The following CNBD1 variants were observed in gnomAD, a reference collection of about 807,000 sequenced individuals.
CNBD1 encodes cyclic nucleotide binding domain containing 1, also known as cyclic nucleotide-binding domain-containing protein 1.
CNBD1 carries 71 observed loss-of-function variants against 54.4 expected under a neutral mutation model. The observed-to-expected ratio is 1.30, with a 90% CI of 1.08 to 1.59. The LOEUF (loss-of-function observed/expected upper bound fraction) is 1.59. Ranked by LOEUF, CNBD1 falls within the 40% of genes most tolerant of loss-of-function variation. The probability of loss-of-function intolerance (pLI) is 0.00; values close to 1 mark genes in which losing one functional copy is unlikely to be tolerated. For missense variants in CNBD1, 659 were observed against 518.0 expected (o/e 1.27, Z -2.64); for synonymous variants, 182 against 170.7 (o/e 1.07, Z -0.51).
chr8:87,242,278 C>T (rs1807723591), intron 6 of CNBD1, among the ~76,000 whole-genome samples: 1 of 152,140 alleles, frequency 6.6e-6, no homozygotes, highest in Admixed American at 6.5e-5. Context: ...AGAAAATCGC[C>T]TTCCCTTTCC....
intron 4 of CNBD1, among the ~76,000 whole-genome samples, chr8:87,095,526 T>C (rs1811299248): frequency 6.6e-6 from 1 of 152,248 alleles, no homozygotes; most frequent in Non-Finnish European, 1.5e-5. Flanking sequence ...TGCATCATAT[T>C]TACTAGAGTA....
chr8:87,252,179 A>G (rs981232325), intron 6 of CNBD1, among the ~76,000 whole-genome samples: 2 of 152,192 alleles, frequency 1.3e-5, no homozygotes, highest in Non-Finnish European at 2.9e-5. Context: ...ACAGTGGTCC[A>G]AGATATACTA....
intron 2 of CNBD1, among the ~76,000 whole-genome samples, chr8:87,424,008 A>G (rs1160131937): frequency 2.0e-5 from 3 of 151,970 alleles, no homozygotes; most frequent in Non-Finnish European, 4.4e-5. Context: ...GTCTTGGGAG[A>G]GTGTATGTGT....
intron 4 of CNBD1, among the ~76,000 whole-genome samples, chr8:87,115,069 T>C (rs1811741056): frequency 1.3e-5 from 2 of 152,202 alleles, no homozygotes; most frequent in Non-Finnish European, 2.9e-5. Flanking sequence ...TATTGGACCT[T>C]AATGGCAATT....
chr8:87,405,027 G>A (rs1486497798), intron 2 of CNBD1, among the ~76,000 whole-genome samples: 1 of 151,906 alleles, frequency 6.6e-6, no homozygotes, highest in African/African-American at 2.4e-5. Flanking sequence ...TCATAAAACT[G>A]CTATCTTATA....
chr8:87,092,940 CA>C (rs1252281787), intron 4 of CNBD1, among the ~76,000 whole-genome samples: 2 of 152,142 alleles, frequency 1.3e-5, no homozygotes, highest in Non-Finnish European at 2.9e-5. Flanking sequence ...TTGCAAAAGC[CA>C]GAAACCTGGG....
At chr8:87,277,695 A>G (rs1808512586) in intron 6 of CNBD1, among the ~76,000 whole-genome samples, 1 of 151,670 alleles carries the variant, frequency 6.6e-6, no homozygotes, top group Non-Finnish European at 1.5e-5. Context: ...CAGTCTCAAA[A>G]TACCTCAATT....
intron 8 of CNBD1, among the ~76,000 whole-genome samples, chr8:87,350,590 T>G (rs1290300756): frequency 6.6e-6 from 1 of 151,882 alleles, no homozygotes; most frequent in Non-Finnish European, 1.5e-5. Context: ...ATAATTTTTA[T>G]TATGTTGATA....
chr8:87,062,601 G>A (rs1015575986), intron 4 of CNBD1, among the ~76,000 whole-genome samples: 11 of 152,074 alleles, frequency 7.2e-5, no homozygotes, highest in Admixed American at 2.0e-4. Context: ...GCTGGGCATG[G>A]TGGCACATTT....
intron 4 of CNBD1, among the ~76,000 whole-genome samples, chr8:86,954,729 A>G (rs1404182965): frequency 6.6e-6 from 1 of 152,232 alleles, no homozygotes; most frequent in Non-Finnish European, 1.5e-5. Context: ...TTTTAGTTAC[A>G]TACTTAGATG....
intron 2 of CNBD1, among the ~76,000 whole-genome samples, chr8:87,406,477 CACTTTTT>C (rs1807655287): frequency 1.0e-5 from 1 of 99,908 alleles, no homozygotes. Context: ...CACACACACA[CACTTTTT>C]TTTTTTTTTT....
chr8:87,239,773 G>A (rs1429316172), intron 6 of CNBD1, among the ~76,000 whole-genome samples: 7 of 151,806 alleles, frequency 4.6e-5, no homozygotes, highest in Admixed American at 4.6e-4. Flanking sequence ...CTACACCCTG[G>A]ACGAAAAATA....
At chr8:87,377,313 C>G (rs1810969501) in intron 10 of CNBD1, among the ~76,000 whole-genome samples, 1 of 149,434 alleles carries the variant, frequency 6.7e-6, no homozygotes, top group Admixed American at 6.7e-5. Flanking sequence ...TCCCCACACC[C>G]CACAACAGTC....
chr8:87,202,973 G>GA (rs923495238), intron 4 of CNBD1, among the ~76,000 whole-genome samples: 3 of 152,100 alleles, frequency 2.0e-5, no homozygotes, highest in Admixed American at 6.6e-5. Flanking sequence ...GGTTGTACCT[G>GA]AAAAATCACA....
At chr8:86,956,862 C>G (rs59425641) in intron 4 of CNBD1, among the ~76,000 whole-genome samples, 2,819 of 152,300 alleles carry the variant, frequency 0.019, 82 homozygotes, top group African/African-American at 0.062. Flanking sequence ...ACTTCCAACA[C>G]TCTGTTGAAC....
intron 4 of CNBD1, among the ~76,000 whole-genome samples, chr8:87,195,845 T>C (rs544827617): frequency 6.6e-6 from 1 of 152,278 alleles, no homozygotes; most frequent in East Asian, 1.9e-4. Context: ...AGTGCTGGGA[T>C]TACAGGCATG....
At chr8:87,421,597 A>T (rs1807939529) in intron 2 of CNBD1, among the ~76,000 whole-genome samples, 1 of 152,060 alleles carries the variant, frequency 6.6e-6, no homozygotes, top group Non-Finnish European at 1.5e-5. Flanking sequence ...CCTACAAAGG[A>T]CATGAACTCA....
intron 4 of CNBD1, among the ~76,000 whole-genome samples, chr8:87,040,511 C>A (rs1390621597): frequency 6.6e-6 from 1 of 150,918 alleles, no homozygotes; most frequent in Non-Finnish European, 1.5e-5. Flanking sequence ...ACAAGCTCCG[C>A]CTTCCAGGTT....
Position 87,199,770 on chromosome 8 carries a change from G to A in CNBD1, c.432-6223G>A, listed in dbSNP as rs570841975. Among the ~76,000 whole-genome samples, 28 of 152,248 alleles carry A rather than the reference G, an allele frequency of 1.8e-4. 1 individual carries two copies. Among genetic ancestry groups the A allele is most frequent in the African/African-American group, 6.0e-4 (25 of 41,566 alleles). On this transcript the variant is annotated intron_variant, in intron 4 of 10. Transcript: ENST00000518476. ...TTGTCAACAATGAGTATTTCTTGGT[G>A]AAGATTTGGTGGGTGTTCAGTCAGT...
Sources: allele counts gnomAD v4.1 joint callset (sites outside exome capture counted in the v4.1 genomes callset), GRCh38; gene constraint gnomAD v4.1.1; transcripts MANE v1.5; gene names NCBI Gene and HGNC (gene_info 2026-07-23, HGNC 2026-07-21).